FRAS1: variants seen among roughly 807,000 people sequenced by gnomAD.
FRAS1 encodes the protein Fraser extracellular matrix complex subunit 1, also known as extracellular matrix organizing protein FRAS1.
A neutral mutation model predicts 435.2 loss-of-function variants in FRAS1; 290 were observed. The observed-to-expected ratio is 0.67, with a 90% CI of 0.61 to 0.73. The LOEUF is 0.73. FRAS1 is among the 30% of genes least tolerant of loss of function. FRAS1 has a pLI of 0.00. For missense variants in FRAS1, 4,860 were observed against 5,001.5 expected, an observed-to-expected ratio of 0.97 and a Z score of 0.85; for synonymous variants, 1,800 against 1,851.0, an observed-to-expected ratio of 0.97 and a Z score of 0.71.
At chr4:78,289,328 T>G (rs1264711900) in intron 14 of FRAS1, among the ~76,000 whole-genome samples, 1 of 152,202 alleles carries the variant, frequency 6.6e-6, no homozygotes, top group Non-Finnish European at 1.5e-5. Flanking sequence ...ATACTATTGT[T>G]ACATATTTTG....
At chr4:78,082,521 A>T (rs957116379) in intron 2 of FRAS1, among the ~76,000 whole-genome samples, 1 of 152,112 alleles carries the variant, frequency 6.6e-6, no homozygotes, top group Non-Finnish European at 1.5e-5. Flanking sequence ...GTACAGTTTC[A>T]TTGGAAATGC....
At chr4:78,378,361 T>G (rs548565660) in intron 26 of FRAS1, among the ~76,000 whole-genome samples, 4 of 152,314 alleles carry the variant, frequency 2.6e-5, no homozygotes, top group African/African-American at 9.6e-5. Flanking sequence ...ACTTTTTGAC[T>G]ATTATGAGTA....
intron 2 of FRAS1, among the ~76,000 whole-genome samples, chr4:78,099,539 C>G (rs1235310909): frequency 6.6e-6 from 1 of 152,192 alleles, no homozygotes; most frequent in African/African-American, 2.4e-5. Flanking sequence ...ATTGAATAAA[C>G]TCTTATAAAC....
intron 19 of FRAS1, among the ~76,000 whole-genome samples, chr4:78,336,780 A>G (rs1730186010): frequency 6.6e-6 from 1 of 152,096 alleles, no homozygotes; most frequent in Admixed American, 6.5e-5. Flanking sequence ...AAATCTACCC[A>G]GCTCCAGCCC....
At chr4:78,389,248 A>G (rs1248055614) in intron 29 of FRAS1, among the ~76,000 whole-genome samples, 1 of 152,254 alleles carries the variant, frequency 6.6e-6, no homozygotes, top group Non-Finnish European at 1.5e-5. Context: ...GGAAACATAA[A>G]TCTTAAACAA....
rs893439896 is a variant in FRAS1 at position 78,113,550 on chromosome 4, G to T, written c.108+47534G>T. On this transcript the variant is annotated intron_variant, in intron 2 of 73. Transcript: ENST00000512123. ...TGGTGTGAGATGGTATCTCATTGTG[G>T]TTTTGATTTGCATTTCTTTGATGGC... 3.6e-4 allele frequency among the ~76,000 whole-genome samples: 55 copies of T among 152,222 alleles called. 2 individuals carry two copies. The highest frequency in any genetic ancestry group is 1.3e-3 in the African/African-American group (53 of 41,536).
At chr4:78,247,104 T>C (rs1725282107) in intron 4 of FRAS1, among the ~76,000 whole-genome samples, 1 of 152,132 alleles carries the variant, frequency 6.6e-6, no homozygotes, top group Admixed American at 6.5e-5. Flanking sequence ...TGTGGCTGGT[T>C]AGCTCTGGGA....
chr4:78,072,497 G>A (rs753002429), intron 2 of FRAS1, among the ~76,000 whole-genome samples: 1 of 152,150 alleles, frequency 6.6e-6, no homozygotes, highest in African/African-American at 2.4e-5. Context: ...TTAGTGAATG[G>A]TGGCTAGTGG....
chr4:78,458,048 A>G (rs1416817480), intron 47 of FRAS1, among the ~76,000 whole-genome samples: 1 of 152,198 alleles, frequency 6.6e-6, no homozygotes, highest in Non-Finnish European at 1.5e-5. Flanking sequence ...ACAGTTAGAG[A>G]GAGAGAGGTC....
intron 47 of FRAS1, among the ~76,000 whole-genome samples, chr4:78,458,736 C>T (rs1247087224): frequency 2.6e-5 from 4 of 152,154 alleles, no homozygotes; most frequent in East Asian, 1.9e-4. Context: ...TAACTTCAGA[C>T]ATAACCACCA....
At chr4:78,413,723 A>T (rs1260170965) in intron 32 of FRAS1, among the ~76,000 whole-genome samples, 1 of 152,224 alleles carries the variant, frequency 6.6e-6, no homozygotes, top group Non-Finnish European at 1.5e-5. Flanking sequence ...GGCAGCAAGG[A>T]TGTGTGATGA....
chr4:78,439,607 A>G (rs1462695925), intron 40 of FRAS1, among the ~76,000 whole-genome samples: 1 of 151,922 alleles, frequency 6.6e-6, no homozygotes, highest in Non-Finnish European at 1.5e-5. Context: ...CTTGTCTTTT[A>G]TATTTTTATT....
chr4:78,421,819 A>C, intron 33 of FRAS1, 44 bp from the exon 34 acceptor site: 2 of 1,607,146 alleles, frequency 1.2e-6, no homozygotes, highest in Non-Finnish European at 1.7e-6. Context: ...TCAGTCAGTG[A>C]TGAGAATTAC....
intron 2 of FRAS1, among the ~76,000 whole-genome samples, chr4:78,085,879 T>C (rs904597298): frequency 4.6e-5 from 7 of 152,022 alleles, no homozygotes; most frequent in Non-Finnish European, 1.0e-4. Flanking sequence ...GACAGAAAGT[T>C]AACAAGGATA....
Position 78,375,860 on chromosome 4 carries a change from C to T in FRAS1, c.3273C>T (p.Thr1091=). Reference sequence around the variant, plus strand: ...GTGTTCCTGGCTTTTCTGTCCACACCTCTAATGAAACATGTTCTGGTAAGT... The same window carrying T: ...GTGTTCCTGGCTTTTCTGTCCACACTTCTAATGAAACATGTTCTGGTAAGT... ...YNCVPGFSVH[T]SNETCSGKIH... The change falls in exon 26 of 74, where the codon ACC becomes ACT. Residue 1091 remains threonine (T), a synonymous_variant. Coordinates refer to ENST00000512123, the MANE Select transcript of FRAS1 (RefSeq NM_025074.7). 4.3e-6 allele frequency: 7 copies of T among 1,613,814 alleles called. No homozygotes were observed. The highest frequency in any genetic ancestry group is 5.9e-6 in the Non-Finnish European group (7 of 1,179,818).
chr4:78,060,317 T>C (rs2109839327), intron 1 of FRAS1, among the ~76,000 whole-genome samples: 1 of 152,280 alleles, frequency 6.6e-6, no homozygotes, highest in Non-Finnish European at 1.5e-5. Context: ...TCTCCTCAAG[T>C]TTTTATTATC....
chr4:78,176,114 T>TTA (rs1006811775), intron 2 of FRAS1, among the ~76,000 whole-genome samples: 1 of 152,220 alleles, frequency 6.6e-6, no homozygotes, highest in African/African-American at 2.4e-5. Flanking sequence ...CTGTAGTTGG[T>TTA]TATACCCTGG....
chr4:78,270,429 G>C (rs1726603517), intron 9 of FRAS1, among the ~76,000 whole-genome samples: 1 of 152,148 alleles, frequency 6.6e-6, no homozygotes, highest in Non-Finnish European at 1.5e-5. Context: ...GCCTCCAGTG[G>C]AGCAGGGCAA....
At chr4:78,127,347 C>T (rs545566266) in intron 2 of FRAS1, among the ~76,000 whole-genome samples, 31 of 152,178 alleles carry the variant, frequency 2.0e-4, no homozygotes, top group African/African-American at 7.2e-4. Context: ...GACTCTATCT[C>T]ATGGAAATAG....
Sources: gnomAD v4.1 joint callset for allele counts (sites outside exome capture counted in the v4.1 genomes callset) on GRCh38, gnomAD v4.1.1 for gene constraint, MANE v1.5 for transcripts, NCBI Gene and HGNC (gene_info 2026-07-23, HGNC 2026-07-21) for gene names.